KLHL1: variants seen among roughly 807,000 people sequenced by gnomAD.
The protein encoded by KLHL1 is kelch like family member 1, also known as kelch-like protein 1.
Under a neutral mutation model 77.7 loss-of-function variants are expected in KLHL1, and 47 were observed. That is an observed-to-expected ratio of 0.60 (90% CI 0.48 to 0.77). KLHL1 has a LOEUF of 0.77. Among genes scored for constraint, KLHL1 ranks in the 30% least tolerant of loss-of-function variants. The pLI, the probability that KLHL1 is intolerant of heterozygous loss-of-function variation, is 0.00. For missense variants in KLHL1, 925 were observed against 910.8 expected (o/e 1.02, Z -0.20); for synonymous variants, 360 against 325.2 (o/e 1.11, Z -1.15).
chr13:69,958,904 A>G (rs1048820409), intron 3 of KLHL1, among the ~76,000 whole-genome samples: 2 of 151,902 alleles, frequency 1.3e-5, no homozygotes, highest in African/African-American at 4.8e-5. Context: ...GTTACCTCCT[A>G]TGCTTCCCTT....
In KLHL1 at chr13:69,798,742, A is replaced by T. The variant is rs1877242253; in HGVS notation, c.1415-1780T>A. On this transcript the variant is annotated intron_variant, in intron 6 of 10. Coordinates refer to ENST00000377844, the MANE Select transcript of KLHL1 (RefSeq NM_020866.3). ...GGATTCTCAAAGCTTGATAACTTTT[A>T]TATTACATGAATGCATAACTAAAAA... is the stretch of plus-strand genomic sequence containing the variant. 2.0e-5 allele frequency among the ~76,000 whole-genome samples: 3 copies of T among 152,108 alleles called. No homozygotes were observed. In the South Asian group the frequency reaches 6.2e-4, roughly 31 times the overall value.
chr13:69,878,076 C>T (rs987641816), intron 5 of KLHL1, among the ~76,000 whole-genome samples: 1 of 152,018 alleles, frequency 6.6e-6, no homozygotes, highest in Non-Finnish European at 1.5e-5. Context: ...TGGCACTAAT[C>T]GTTCTTTTAA....
At position 70,017,979 on chromosome 13, in the gene KLHL1, CAATT is replaced by C. The variant is rs561007198; in HGVS notation, c.498-42181_498-42178del. ...AAACGTGAAAATAAGCGCTAATCTCCAATTAAAGTTCTTAATAACAATTTAATTG... is the reference window on the plus strand; with the variant it reads ...AAACGTGAAAATAAGCGCTAATCTCCAAAGTTCTTAATAACAATTTAATTG... On this transcript the variant is annotated intron_variant, in intron 1 of 10. Coordinates refer to ENST00000377844, the MANE Select transcript of KLHL1 (RefSeq NM_020866.3). 7.9e-5 allele frequency among the ~76,000 whole-genome samples: 12 copies of C among 152,046 alleles called. No homozygotes were observed. In the South Asian group the frequency reaches 2.5e-3, roughly 32 times the overall value.
intron 5 of KLHL1, among the ~76,000 whole-genome samples, chr13:69,868,418 T>G (rs1181114109): frequency 7.1e-6 from 1 of 140,874 alleles, no homozygotes; most frequent in Non-Finnish European, 1.5e-5. Flanking sequence ...TGGACATACA[T>G]TTTTTTAGAT....
chr13:70,027,652 G>GTTTTTTTTTTTTTTTTTTTTT (rs10667717), intron 1 of KLHL1, among the ~76,000 whole-genome samples: 1 of 135,840 alleles, frequency 7.4e-6, no homozygotes, highest in Non-Finnish European at 1.5e-5. Flanking sequence ...AATGTAAGTT[G>GTTTTTTTTTTTTTTTTTTTTT]TTTTTTTTTT....
intron 7 of KLHL1, among the ~76,000 whole-genome samples, chr13:69,752,762 A>G (rs981961945): frequency 2.6e-5 from 4 of 152,166 alleles, no homozygotes; most frequent in African/African-American, 7.2e-5. Context: ...AGTGAAAGGA[A>G]TCACTTGAGC....
At position 70,107,734 on chromosome 13, in the gene KLHL1, A is replaced by G. The variant is rs762498239; in HGVS notation, c.-35T>C. On this transcript the variant is annotated 5_prime_UTR_variant, in exon 1 of 11. Coordinates refer to ENST00000377844, the MANE Select transcript of KLHL1 (RefSeq NM_020866.3). ...ACAGAAGGCAAAAGGCTGGCAGCTC[A>G]CGCAGGAGTAGGCTGGTCAGCAGGT... 1 of 1,474,636 alleles carries G rather than the reference A, an allele frequency of 6.8e-7. No homozygotes were observed. 91.3% of individuals were successfully genotyped at this position (1,474,636 alleles called of 1,614,324 possible).
At chr13:69,925,770 G>A (rs1290921785) in intron 4 of KLHL1, among the ~76,000 whole-genome samples, 1 of 152,002 alleles carries the variant, frequency 6.6e-6, no homozygotes, top group Non-Finnish European at 1.5e-5. Flanking sequence ...AGTGACTTTA[G>A]TCTCCTTAAA....
At chr13:70,055,485 T>C (rs1415073834) in intron 1 of KLHL1, among the ~76,000 whole-genome samples, 3 of 151,872 alleles carry the variant, frequency 2.0e-5, no homozygotes, top group Admixed American at 2.0e-4. Context: ...GATACAAAAG[T>C]CAATGGTAAC....
intron 1 of KLHL1, among the ~76,000 whole-genome samples, chr13:70,040,467 C>A (rs1057326435): frequency 1.3e-5 from 2 of 152,094 alleles, no homozygotes; most frequent in Non-Finnish European, 2.9e-5. Flanking sequence ...TTAAAAAATT[C>A]TTCTTATTCC....
chr13:70,085,059 T>C (rs1422393992), intron 1 of KLHL1, among the ~76,000 whole-genome samples: 1 of 152,168 alleles, frequency 6.6e-6, no homozygotes, highest in Admixed American at 6.5e-5. Flanking sequence ...TAAAATCATA[T>C]ATCCGTATGT....
intron 6 of KLHL1, among the ~76,000 whole-genome samples, chr13:69,837,681 T>TACACATACATAC (rs1566309227): frequency 1.5e-5 from 2 of 129,450 alleles, no homozygotes; most frequent in African/African-American, 3.5e-5. Flanking sequence ...TATATATATA[T>TACACATACATAC]ATATATACAC....
intron 1 of KLHL1, among the ~76,000 whole-genome samples, chr13:70,071,172 C>T (rs1887129187): frequency 6.6e-6 from 1 of 151,832 alleles, no homozygotes; most frequent in Admixed American, 6.6e-5. Flanking sequence ...TAAAATGACA[C>T]ATAGAGATTA....
At chr13:69,911,100 T>G in intron 4 of KLHL1, among the ~76,000 whole-genome samples, 1 of 152,220 alleles carries the variant, frequency 6.6e-6, no homozygotes, top group East Asian at 1.9e-4. Flanking sequence ...TTGTTAGTAA[T>G]CAGTCTGTCT....
chr13:70,070,449 T>C lies in KLHL1; in HGVS notation c.497+36754A>G, dbSNP rs186556246. On this transcript the variant is annotated intron_variant, in intron 1 of 10. Coordinates refer to ENST00000377844, the MANE Select transcript of KLHL1 (RefSeq NM_020866.3). ...CCATGCAGGCAAAAAGAGAGTGGAG[T>C]AAAATATTCAAAATGTTAAAAGACA... Among the ~76,000 whole-genome samples, 130 of 151,552 alleles carry C rather than the reference T, an allele frequency of 8.6e-4. No homozygotes were observed. The East Asian group carries it at 0.015, about 18-fold the overall frequency.
At chr13:70,021,670 A>T (rs965220981) in intron 1 of KLHL1, among the ~76,000 whole-genome samples, 14 of 152,056 alleles carry the variant, frequency 9.2e-5, no homozygotes, top group Non-Finnish European at 1.5e-4. Flanking sequence ...CCTTGCCAGC[A>T]TTAGAGTTCT....
intron 6 of KLHL1, among the ~76,000 whole-genome samples, chr13:69,803,898 C>A (rs1877500487): frequency 6.6e-6 from 1 of 152,128 alleles, no homozygotes; most frequent in Non-Finnish European, 1.5e-5. Flanking sequence ...GGAAAAGTTC[C>A]AGATAAGAAT....
At chr13:69,979,129 A>C (rs1884632941) in intron 1 of KLHL1, among the ~76,000 whole-genome samples, 1 of 151,818 alleles carries the variant, frequency 6.6e-6, no homozygotes, top group Admixed American at 6.6e-5. Flanking sequence ...ACAATTTGAA[A>C]GAATGGGATT....
At chr13:69,742,007 C>T (rs561773528) in intron 7 of KLHL1, among the ~76,000 whole-genome samples, 1 of 152,122 alleles carries the variant, frequency 6.6e-6, no homozygotes, top group Non-Finnish European at 1.5e-5. Flanking sequence ...CCTACCCAAT[C>T]TAGTTCCCCA....
Sources: gnomAD v4.1 joint callset for allele counts (sites outside exome capture counted in the v4.1 genomes callset) on GRCh38, gnomAD v4.1.1 for gene constraint, MANE v1.5 for transcripts, NCBI Gene and HGNC (gene_info 2026-07-23, HGNC 2026-07-21) for gene names.